The following PLCG2 variants were observed in gnomAD, a reference collection of about 807,000 sequenced individuals.
PLCG2 encodes phospholipase C gamma 2.
Under a neutral mutation model 175.6 loss-of-function variants are expected in PLCG2, and 69 were observed. That is an observed-to-expected ratio of 0.39 (90% CI 0.32 to 0.48). The LOEUF is 0.48. Among genes scored for constraint, PLCG2 ranks in the 20% least tolerant of loss-of-function variants. The pLI is 0.91. For synonymous variants in PLCG2, 827 were observed against 624.0 expected (o/e 1.33, Z -4.85); for missense variants, 1,798 against 1,650.9 (o/e 1.09, Z -1.54).
At chr16:81,855,207 A>G (rs908684046) in intron 3 of PLCG2, among the ~76,000 whole-genome samples, 3 of 151,660 alleles carry the variant, frequency 2.0e-5, no homozygotes, top group Admixed American at 1.3e-4. Context: ...AAAAAAAAAA[A>G]AGAGAAGAAA....
At chr16:81,885,315 C>T (rs938420191) in intron 9 of PLCG2, among the ~76,000 whole-genome samples, 3 of 107,376 alleles carry the variant, frequency 2.8e-5, no homozygotes, top group African/African-American at 7.5e-5. Context: ...TGAGCCACCA[C>T]GCCCAGCCCC....
intron 22 of PLCG2, among the ~76,000 whole-genome samples, chr16:81,924,603 C>T (rs902765353): frequency 6.6e-6 from 1 of 152,254 alleles, no homozygotes; most frequent in African/African-American, 2.4e-5. Context: ...CTCCATTCAT[C>T]TGCTAAGTCC....
intron 3 of PLCG2, among the ~76,000 whole-genome samples, chr16:81,855,592 A>G (rs1327697334): frequency 3.3e-5 from 5 of 152,214 alleles, no homozygotes; most frequent in Admixed American, 2.6e-4. Flanking sequence ...AGGAAGATGA[A>G]TGGGACCTGG....
chr16:81,802,838 A>C (rs1911794805), intron 2 of PLCG2, among the ~76,000 whole-genome samples: 1 of 152,158 alleles, frequency 6.6e-6, no homozygotes, highest in South Asian at 2.1e-4. Context: ...CCCAAAGTGC[A>C]AAAGAAATTA....
chr16:81,769,542 C>T (rs1404626991), intron 2 of PLCG2, among the ~76,000 whole-genome samples: 4 of 152,008 alleles, frequency 2.6e-5, no homozygotes, highest in African/African-American at 4.8e-5. Flanking sequence ...GGGCCGGGCG[C>T]GGTGGCTCAC....
intron 2 of PLCG2, among the ~76,000 whole-genome samples, chr16:81,771,018 C>A (rs1444636429): frequency 6.6e-6 from 1 of 150,490 alleles, no homozygotes; most frequent in Admixed American, 6.6e-5. Flanking sequence ...AGATTATGCC[C>A]CTGCACTCCA....
chr16:81,916,390 T>C (rs1363865900), intron 19 of PLCG2, among the ~76,000 whole-genome samples: 1 of 152,198 alleles, frequency 6.6e-6, no homozygotes, highest in Non-Finnish European at 1.5e-5. Flanking sequence ...TCTTGATTTT[T>C]TTCCCTGCCA....
At chr16:81,813,686 C>T (rs539489170) in intron 2 of PLCG2, among the ~76,000 whole-genome samples, 26 of 152,340 alleles carry the variant, frequency 1.7e-4, no homozygotes, top group Non-Finnish European at 2.9e-5. Flanking sequence ...GAGTCCCTTA[C>T]CTGAATATAT....
intron 2 of PLCG2, among the ~76,000 whole-genome samples, chr16:81,807,747 C>T (rs1312711565): frequency 6.6e-6 from 1 of 152,162 alleles, no homozygotes; most frequent in Admixed American, 6.5e-5. Flanking sequence ...AATTGACTCA[C>T]AGTTCAGCAT....
chr16:81,757,072 A>C (rs1271982336), intron 2 of PLCG2, among the ~76,000 whole-genome samples: 1 of 152,168 alleles, frequency 6.6e-6, no homozygotes, highest in Admixed American at 6.5e-5. Context: ...TGGAATGAAG[A>C]GTTTTGAAAA....
chr16:81,908,727 C>G (rs986822502), intron 17 of PLCG2, 136 bp downstream of exon 17: 3 of 723,592 alleles, frequency 4.1e-6, no homozygotes, highest in Middle Eastern at 4.1e-4. Context: ...TCTAGCTCTT[C>G]TAGGCCGGGA....
At chr16:81,783,452 C>T (rs1414916457) in intron 1 of PLCG2, among the ~76,000 whole-genome samples, 2 of 152,198 alleles carry the variant, frequency 1.3e-5, no homozygotes, top group Admixed American at 6.5e-5. Context: ...GGATAAGTCC[C>T]TTAACCTCTT....
chr16:81,921,136 A>G, intron 20 of PLCG2, 62 bp from the exon 21 acceptor site: 1 of 998,726 alleles, frequency 1.0e-6, no homozygotes, highest in Non-Finnish European at 1.6e-6. Flanking sequence ...AACCCTTGTT[A>G]TATGTAAGGG....
In PLCG2 at chr16:81,893,695, C is replaced by G. The variant is rs761149712; in HGVS notation, c.987-14C>G. ...CTGCCACTCTCACACGGCCACCTGCCTTCTCTCCTGCAGGTACCTTACAGG... is the reference window on the plus strand; with the variant it reads ...CTGCCACTCTCACACGGCCACCTGCGTTCTCTCCTGCAGGTACCTTACAGG... On this transcript the variant is annotated splice_polypyrimidine_tract_variant and intron_variant, in intron 11 of 32. Coordinates refer to ENST00000564138, the MANE Select transcript of PLCG2 (RefSeq NM_002661.5). The G allele has an allele frequency of 1.3e-6, 2 of 1,581,140 alleles. No individual in the cohort carries two copies. Among genetic ancestry groups the G allele is most frequent in the East Asian group, 4.5e-5 (2 of 44,734 alleles).
At chr16:81,755,322 A>G (rs1909899022) in intron 1 of PLCG2, among the ~76,000 whole-genome samples, 1 of 151,566 alleles carries the variant, frequency 6.6e-6, no homozygotes, top group African/African-American at 2.4e-5. Context: ...TCAGTCTCCC[A>G]AGTAGCTGGG....
intron 2 of PLCG2, among the ~76,000 whole-genome samples, chr16:81,768,648 C>G (rs907887811): frequency 1.3e-5 from 2 of 150,440 alleles, no homozygotes; most frequent in African/African-American, 4.9e-5. Flanking sequence ...TCACTGCAAC[C>G]TCCGCCTCCC....
At chr16:81,944,397 G>T (rs1006570866) in intron 30 of PLCG2, among the ~76,000 whole-genome samples, 3 of 152,104 alleles carry the variant, frequency 2.0e-5, no homozygotes, top group African/African-American at 7.2e-5. Context: ...ATTGTCTTGG[G>T]TATTAAAGTA....
intron 1 of PLCG2, among the ~76,000 whole-genome samples, chr16:81,783,428 A>G (rs1476683870): frequency 2.6e-5 from 4 of 152,082 alleles, no homozygotes; most frequent in Non-Finnish European, 5.9e-5. Context: ...GCTACTTTCT[A>G]TCTGTGTGAC....
chr16:81,856,265 G>T (rs1260087083), intron 3 of PLCG2, among the ~76,000 whole-genome samples: 1 of 152,254 alleles, frequency 6.6e-6, no homozygotes, highest in African/African-American at 2.4e-5. Context: ...GGTGCTTAAG[G>T]AGAGGCTTCA....
Sources: gnomAD v4.1 joint callset for allele counts (sites outside exome capture counted in the v4.1 genomes callset) on GRCh38, gnomAD v4.1.1 for gene constraint, MANE v1.5 for transcripts, NCBI Gene and HGNC (gene_info 2026-07-23, HGNC 2026-07-21) for gene names.